UBE2F: variants seen among roughly 807,000 people sequenced by gnomAD.
The protein encoded by UBE2F is NEDD8-conjugating enzyme UBE2F.
UBE2F carries 5 observed loss-of-function variants against 29.6 expected under a neutral mutation model. The ratio of observed to expected loss-of-function variants is 0.17; its 90% CI spans 0.09 to 0.36. The LOEUF (loss-of-function observed/expected upper bound fraction) is 0.36, where lower values mean the gene tolerates loss of function less well. Ranked by LOEUF, UBE2F falls within the 10% of genes least tolerant of loss-of-function variation. UBE2F has a pLI of 1.00. For synonymous variants in UBE2F, 66 were observed against 81.8 expected (o/e 0.81, Z 1.04); for missense variants, 141 against 228.5 (o/e 0.62, Z 2.47).
chr2:238,033,729 G>A (rs1398995613), intron 8 of UBE2F, among the ~76,000 whole-genome samples: 1 of 152,224 alleles, frequency 6.6e-6, no homozygotes, highest in African/African-American at 2.4e-5. Flanking sequence ...CACTTCCAGT[G>A]ATTTCAGGAT....
intron 4 of UBE2F, among the ~76,000 whole-genome samples, chr2:238,003,009 G>A (rs1025589831): frequency 2.0e-5 from 3 of 152,198 alleles, no homozygotes; most frequent in Non-Finnish European, 4.4e-5. Context: ...CAGAGCACCA[G>A]AGTAGACCTA....
intron 1 of UBE2F, among the ~76,000 whole-genome samples, chr2:237,972,356 G>A (rs1487314316): frequency 2.0e-5 from 3 of 152,056 alleles, no homozygotes; most frequent in East Asian, 3.9e-4. Context: ...ATCCCCTGCA[G>A]CAGGGAAGGG....
chr2:237,994,873 T>A (rs2063659826), intron 4 of UBE2F, 64 bp downstream of exon 4: 1 of 1,318,962 alleles, frequency 7.6e-7, no homozygotes. Flanking sequence ...TGCCCAAACC[T>A]GTAATCTTTG....
intron 4 of UBE2F, among the ~76,000 whole-genome samples, chr2:238,010,816 G>A (rs1002798412): frequency 1.3e-5 from 2 of 152,132 alleles, no homozygotes; most frequent in African/African-American, 2.4e-5. Flanking sequence ...CCTCCACTGG[G>A]ATGCCAACTT....
chr2:238,028,201 C>T (rs1485313328), intron 6 of UBE2F, among the ~76,000 whole-genome samples: 4 of 152,230 alleles, frequency 2.6e-5, no homozygotes, highest in African/African-American at 9.6e-5. Flanking sequence ...CAGTGGCCAC[C>T]ACATGCTGGG....
chr2:238,034,214 G>A (rs550136433), intron 8 of UBE2F, among the ~76,000 whole-genome samples: 2 of 151,994 alleles, frequency 1.3e-5, no homozygotes, highest in Admixed American at 1.3e-4. Context: ...ATCACCTGAG[G>A]TCAGAAATTG....
At chr2:237,976,680 G>A (rs1023510048) in intron 2 of UBE2F, among the ~76,000 whole-genome samples, 3 of 152,136 alleles carry the variant, frequency 2.0e-5, no homozygotes, top group African/African-American at 4.8e-5. Flanking sequence ...CCATTTATGC[G>A]GCAGAGCCCT....
chr2:237,991,278 A>G (rs1418601074), intron 3 of UBE2F, among the ~76,000 whole-genome samples: 1 of 152,210 alleles, frequency 6.6e-6, no homozygotes, highest in Non-Finnish European at 1.5e-5. Context: ...CTAAAGAGAA[A>G]ACAAGAAACC....
chr2:237,990,185 A>G (rs2063555477), intron 3 of UBE2F, among the ~76,000 whole-genome samples: 1 of 151,010 alleles, frequency 6.6e-6, no homozygotes. Flanking sequence ...TTGCTTTAAA[A>G]TGCTACAGGA....
intron 4 of UBE2F, 67 bp from the exon 5 acceptor site, chr2:238,016,495 GTGTT>G (rs1361616406): frequency 7.5e-7 from 1 of 1,331,930 alleles, no homozygotes; most frequent in African/African-American, 1.5e-5. Flanking sequence ...TCCTAACAGA[GTGTT>G]TGCTTTTTGT....
At chr2:237,972,624 C>T (rs1055678292) in intron 1 of UBE2F, among the ~76,000 whole-genome samples, 3 of 147,278 alleles carry the variant, frequency 2.0e-5, no homozygotes, top group African/African-American at 7.6e-5. Flanking sequence ...AATCACGGCT[C>T]ACGGTATCCC....
intron 3 of UBE2F, among the ~76,000 whole-genome samples, chr2:237,990,149 A>G (rs540922587): frequency 1.3e-5 from 2 of 148,682 alleles, no homozygotes; most frequent in Non-Finnish European, 3.0e-5. Flanking sequence ...CTTTCTACCC[A>G]CTGAAGTATT....
chr2:237,968,288 G>T (rs1481768699), intron 1 of UBE2F, among the ~76,000 whole-genome samples: 1 of 152,168 alleles, frequency 6.6e-6, no homozygotes, highest in African/African-American at 2.4e-5. Context: ...CTGCCTTTCA[G>T]GTAGTAGGCA....
chr2:238,013,183 T>C (rs1392525248), intron 4 of UBE2F, among the ~76,000 whole-genome samples: 1 of 151,970 alleles, frequency 6.6e-6, no homozygotes. Context: ...GGTGGGAGGA[T>C]CACCTGAGCC....
intron 4 of UBE2F, chr2:238,003,287 TA>T: frequency 2.2e-6 from 1 of 461,824 alleles, no homozygotes. Flanking sequence ...TGTTAGCTCT[TA>T]AAATGTCAGT....
chr2:238,022,448 G>GT (rs1298931958), intron 5 of UBE2F, among the ~76,000 whole-genome samples: 2 of 151,936 alleles, frequency 1.3e-5, no homozygotes, highest in Non-Finnish European at 2.9e-5. Flanking sequence ...TTTTTCTTCA[G>GT]TTTTTTAGCT....
intron 4 of UBE2F, among the ~76,000 whole-genome samples, chr2:238,007,714 G>A (rs1485786465): frequency 6.6e-6 from 1 of 152,058 alleles, no homozygotes; most frequent in African/African-American, 2.4e-5. Context: ...AGCTGCATTT[G>A]TGAGATAAAC....
intron 4 of UBE2F, among the ~76,000 whole-genome samples, chr2:237,999,488 T>C (rs1482534591): frequency 6.6e-6 from 1 of 152,238 alleles, no homozygotes; most frequent in Non-Finnish European, 1.5e-5. Context: ...TATGTTTTTT[T>C]CCTAGAAGCT....
intron 4 of UBE2F, among the ~76,000 whole-genome samples, chr2:238,011,768 C>T (rs1036239512): frequency 6.6e-6 from 1 of 152,202 alleles, no homozygotes; most frequent in African/African-American, 2.4e-5. Context: ...TATAAACACT[C>T]AGGACTGCTT....
Sources: gnomAD v4.1 joint callset for allele counts (sites outside exome capture counted in the v4.1 genomes callset) on GRCh38, gnomAD v4.1.1 for gene constraint, MANE v1.5 for transcripts, NCBI Gene and HGNC (gene_info 2026-07-23, HGNC 2026-07-21) for gene names.